The following HMBOX1 variants were observed in gnomAD, a reference collection of about 807,000 sequenced individuals.
HMBOX1 encodes the protein homeobox containing 1.
Under a neutral mutation model 54.5 loss-of-function variants are expected in HMBOX1, and 14 were observed. The ratio of observed to expected loss-of-function variants is 0.26; its 90% CI spans 0.17 to 0.40. The LOEUF (loss-of-function observed/expected upper bound fraction) is 0.40. Among genes scored for constraint, HMBOX1 ranks in the 10% least tolerant of loss-of-function variants. The probability of loss-of-function intolerance (pLI) is 1.00; values close to 1 mark genes in which losing one functional copy is unlikely to be tolerated. For missense variants in HMBOX1, 332 were observed against 514.4 expected (o/e 0.65, Z 3.43); for synonymous variants, 160 against 181.0 (o/e 0.88, Z 0.93).
At chr8:28,976,645 T>G (rs1167957964) in intron 3 of HMBOX1, among the ~76,000 whole-genome samples, 2 of 152,182 alleles carry the variant, frequency 1.3e-5, no homozygotes, top group Non-Finnish European at 2.9e-5. Context: ...TTTGTTTTGC[T>G]TTTTGATAAA....
chr8:29,043,341 C>T (rs1020228651), intron 6 of HMBOX1, among the ~76,000 whole-genome samples: 2 of 152,262 alleles, frequency 1.3e-5, no homozygotes, highest in Non-Finnish European at 2.9e-5. Flanking sequence ...TTCTCTAGAC[C>T]TAACTCAGAT....
At chr8:28,892,348 C>T (rs1305013624) in intron 1 of HMBOX1, among the ~76,000 whole-genome samples, 2 of 152,004 alleles carry the variant, frequency 1.3e-5, no homozygotes, top group African/African-American at 4.8e-5. Flanking sequence ...AGGATTGCAA[C>T]ATCTCTTATT....
intron 2 of HMBOX1, among the ~76,000 whole-genome samples, chr8:28,969,719 A>G (rs892586950): frequency 6.6e-6 from 1 of 152,204 alleles, no homozygotes; most frequent in African/African-American, 2.4e-5. Context: ...GCCTGGGCTT[A>G]TTGCACTCCA....
chr8:29,020,109 A>G lies in HMBOX1; in HGVS notation c.851+1196A>G, dbSNP rs186560616. Among the ~76,000 whole-genome samples the G allele has an allele frequency of 2.0e-4, 30 of 152,336 alleles. No individual in the cohort carries two copies. The East Asian group carries it at 5.8e-3, about 29-fold the overall frequency. ...GACATTATTGTCCTGGAGACCTGAC[A>G]TTTACAATCTGCTCTGCTTTTCTCA... On this transcript the variant is annotated intron_variant, in intron 6 of 9. Coordinates refer to ENST00000287701, the MANE Select transcript of HMBOX1 (RefSeq NM_001135726.3).
intron 1 of HMBOX1, among the ~76,000 whole-genome samples, chr8:28,936,445 A>G (rs1443320128): frequency 6.6e-6 from 1 of 152,024 alleles, no homozygotes; most frequent in Non-Finnish European, 1.5e-5. Context: ...TATAATAATA[A>G]TAAAACTGGT....
intron 1 of HMBOX1, among the ~76,000 whole-genome samples, chr8:28,902,161 G>A (rs1336004083): frequency 3.9e-5 from 6 of 152,092 alleles, no homozygotes; most frequent in Non-Finnish European, 7.4e-5. Context: ...CTGACTTGCC[G>A]CTGGTAGGGG....
chr8:28,958,001 A>G (rs192332443), intron 1 of HMBOX1, among the ~76,000 whole-genome samples: 8 of 152,334 alleles, frequency 5.3e-5, no homozygotes, highest in Admixed American at 1.3e-4. Context: ...ATATTGGGAA[A>G]GGCTATCCCT....
chr8:29,014,271 A>G (rs79863349), intron 5 of HMBOX1, among the ~76,000 whole-genome samples: 11 of 61,780 alleles, frequency 1.8e-4, no homozygotes, highest in East Asian at 1.0e-3. Flanking sequence ...AGATGGGGGG[A>G]AAAAAGATTT....
intron 1 of HMBOX1, among the ~76,000 whole-genome samples, chr8:28,894,185 C>G (rs1811589382): frequency 6.6e-6 from 1 of 152,192 alleles, no homozygotes; most frequent in African/African-American, 2.4e-5. Flanking sequence ...TTACTTCCCA[C>G]TGTAGTAGAA....
chr8:29,032,039 G>T (rs1803055277), intron 6 of HMBOX1, among the ~76,000 whole-genome samples: 1 of 152,168 alleles, frequency 6.6e-6, no homozygotes, highest in South Asian at 2.1e-4. Flanking sequence ...TCAGTTGGGT[G>T]GGAAATGAGG....
chr8:29,015,300 C>T (rs1834836040), intron 5 of HMBOX1, among the ~76,000 whole-genome samples: 1 of 152,158 alleles, frequency 6.6e-6, no homozygotes, highest in Admixed American at 6.5e-5. Context: ...ATGGATGTGG[C>T]CTACTACCTG....
intron 1 of HMBOX1, among the ~76,000 whole-genome samples, chr8:28,962,525 A>T (rs942853160): frequency 6.6e-6 from 1 of 152,154 alleles, no homozygotes; most frequent in South Asian, 2.1e-4. Flanking sequence ...AAAGGTCAGG[A>T]TCCCCTTCTA....
intron 1 of HMBOX1, among the ~76,000 whole-genome samples, chr8:28,922,246 T>C (rs911342580): frequency 1.3e-5 from 2 of 152,236 alleles, no homozygotes; most frequent in Non-Finnish European, 2.9e-5. Flanking sequence ...ATAGTATAAG[T>C]AATCTAGAGA....
chr8:29,048,675 C>T (rs1447684369), intron 8 of HMBOX1: 1 of 325,746 alleles, frequency 3.1e-6, no homozygotes, highest in Non-Finnish European at 5.8e-6. Flanking sequence ...CTCTATAGAA[C>T]CCCAAGATAG....
intron 4 of HMBOX1, among the ~76,000 whole-genome samples, chr8:29,008,636 G>T (rs1022360746): frequency 6.6e-6 from 1 of 152,080 alleles, no homozygotes; most frequent in Non-Finnish European, 1.5e-5. Context: ...GTCAGTATCC[G>T]TAATGAGTAA....
chr8:29,049,678 G>T, intron 9 of HMBOX1: 1 of 312,938 alleles, frequency 3.2e-6, no homozygotes, highest in South Asian at 1.1e-4. Flanking sequence ...TAGCCACTGC[G>T]TGGAGTAATT....
intron 1 of HMBOX1, among the ~76,000 whole-genome samples, chr8:28,903,455 A>C (rs1038947392): frequency 5.3e-5 from 8 of 152,250 alleles, no homozygotes; most frequent in Non-Finnish European, 1.2e-4. Context: ...TCGTGCCACT[A>C]TTCCAACCAT....
rs372084410 is a variant in HMBOX1, at chr8:28,897,586, G to C, written c.-58+6908G>C. Among the ~76,000 whole-genome samples, 6 of 152,306 alleles carry C rather than the reference G, an allele frequency of 3.9e-5. No homozygotes were observed. In the East Asian group the frequency reaches 1.2e-3, roughly 29 times the overall value. Reference sequence around the variant, plus strand: ...AGCTACTCAGGAGGCTGAGGCAGGAGAATCACTTGAACCTGGGAGGCGGAG... The same window carrying C: ...AGCTACTCAGGAGGCTGAGGCAGGACAATCACTTGAACCTGGGAGGCGGAG... On this transcript the variant is annotated intron_variant, in intron 1 of 9. Coordinates refer to ENST00000287701, the MANE Select transcript of HMBOX1 (RefSeq NM_001135726.3).
At chr8:28,960,938 C>T (rs1825477163) in intron 1 of HMBOX1, among the ~76,000 whole-genome samples, 1 of 151,536 alleles carries the variant, frequency 6.6e-6, no homozygotes, top group South Asian at 2.1e-4. Context: ...AGGTGCATGC[C>T]ACCATGCCCA....
Sources: gnomAD v4.1 joint callset for allele counts (sites outside exome capture counted in the v4.1 genomes callset) on GRCh38, gnomAD v4.1.1 for gene constraint, MANE v1.5 for transcripts, NCBI Gene and HGNC (gene_info 2026-07-23, HGNC 2026-07-21) for gene names.